The following PER3 variants were observed in gnomAD, a reference collection of about 807,000 sequenced individuals.
PER3 encodes period circadian protein homolog 3.
A neutral mutation model predicts 127.2 loss-of-function variants in PER3; 107 were observed. That is an observed-to-expected ratio of 0.84 (90% CI 0.72 to 0.99). The LOEUF is 0.99. Ranked by LOEUF, PER3 falls within the 50% of genes least tolerant of loss-of-function variation. PER3 has a pLI of 0.00. For synonymous variants in PER3, 618 were observed against 585.8 expected (o/e 1.05, Z -0.79); for missense variants, 1,560 against 1,525.8 (o/e 1.02, Z -0.37).
chr1:7,826,490 T>C lies in PER3; in HGVS notation c.1968T>C (p.Ala656=), dbSNP rs2097302107. The C allele has an allele frequency of 6.2e-7, 1 of 1,604,958 alleles. No homozygotes were observed. Among genetic ancestry groups the C allele is most frequent in the Non-Finnish European group, 8.5e-7 (1 of 1,171,652 alleles). ...HVPPPETARD[A]TLFCEPWTLN... is the part of the protein sequence containing the mutation. Reference sequence around the variant, plus strand: ...CTTCTTCCACCTCAGCCAGGGATGCTACCCTCTTCTGTGAGCCCTGGACCC... The same window carrying C: ...CTTCTTCCACCTCAGCCAGGGATGCCACCCTCTTCTGTGAGCCCTGGACCC... Residue 656 remains alanine (A), a synonymous_variant, in exon 17 of 22, where the codon GCT becomes GCC. Transcript: ENST00000377532. The surrounding 1 kb of genome is among the most constrained non-coding windows in gnomAD (Gnocchi z 4.2).
intron 5 of PER3, among the ~76,000 whole-genome samples, chr1:7,788,845 A>G (rs1046084572): frequency 6.6e-6 from 1 of 151,832 alleles, no homozygotes; most frequent in East Asian, 1.9e-4. Context: ...CAGAGGTTGC[A>G]GTGAGCCAAG....
rs1010047017 is a variant in PER3 at position 7,844,897 on chromosome 1, A to C, written c.*2142A>C. ...ATTGAAAGTGGTAATAAAAATTTAT[A>C]TTATAGGCTTCAATGTTTTCATGAA... is the stretch of plus-strand genomic sequence containing the variant. On this transcript the variant is annotated 3_prime_UTR_variant, in exon 22 of 22. Transcript: ENST00000377532. The C allele has an allele frequency of 2.6e-5, 4 of 152,504 alleles. No individual in the cohort carries two copies. Among genetic ancestry groups the C allele is most frequent in the Non-Finnish European group, 5.9e-5 (4 of 68,028 alleles). 9.4% of individuals were successfully genotyped at this position (152,504 alleles called of 1,614,324 possible). A position where few individuals can be genotyped will look rare whatever the true frequency, so the allele number is the denominator to read the frequency against.
intron 16 of PER3, among the ~76,000 whole-genome samples, chr1:7,822,358 C>T (rs962545346): frequency 1.1e-4 from 16 of 152,006 alleles, no homozygotes; most frequent in Admixed American, 3.3e-4. Context: ...CGGATTCAAG[C>T]GATTCTCCTG....
chr1:7,799,838 G>A (rs1184781875), intron 7 of PER3, among the ~76,000 whole-genome samples: 1 of 150,812 alleles, frequency 6.6e-6, no homozygotes, highest in Non-Finnish European at 1.5e-5. Flanking sequence ...GTGTGGTCAT[G>A]GCTCATTGCA....
At chr1:7,798,447 A>G (rs1378447502) in intron 6 of PER3, 78 bp from the exon 7 acceptor site, 2 of 1,128,316 alleles carry the variant, frequency 1.8e-6, no homozygotes, top group East Asian at 2.4e-5. Context: ...TTACCAATAA[A>G]ATATTTCTCC....
chr1:7,789,195 TA>T (rs201130422), intron 5 of PER3, among the ~76,000 whole-genome samples: 12,706 of 148,996 alleles, frequency 0.085, 600 homozygotes, highest in Middle Eastern at 0.13. Context: ...TCTCTCTAAT[TA>T]AAAAAAAAAT....
chr1:7,798,141 C>T (rs2097154130), intron 6 of PER3, among the ~76,000 whole-genome samples: 1 of 152,162 alleles, frequency 6.6e-6, no homozygotes, highest in Admixed American at 6.5e-5. Context: ...GGCATGATTG[C>T]AGGGGACCCT....
intron 7 of PER3, among the ~76,000 whole-genome samples, chr1:7,799,246 T>C (rs552566507): frequency 2.0e-5 from 3 of 151,880 alleles, no homozygotes; most frequent in Non-Finnish European, 2.9e-5. Flanking sequence ...ATGGGAAAAA[T>C]GGGTTTAGGA....
In PER3 at chr1:7,844,031, T is replaced by G. The variant is rs562095483; in HGVS notation, c.*1276T>G. 3.8e-6 allele frequency: 4 copies of G among 1,059,254 alleles called. No individual in the cohort carries two copies. The South Asian group carries it at 8.4e-5, about 22-fold the overall frequency. The allele number at this position is 1,059,254 out of a possible 1,614,324, so 65.6% of individuals were successfully genotyped here. A position where few individuals can be genotyped will look rare whatever the true frequency, so the allele number is the denominator to read the frequency against. ...TTTATATAACTTGCAACAAACTAAT[T>G]TATTTTTTTTTCCTTTTTTTGTTTT... On this transcript the variant is annotated 3_prime_UTR_variant, in exon 22 of 22. Transcript: ENST00000377532.
At chr1:7,791,061 A>G (rs1012037198) in intron 5 of PER3, among the ~76,000 whole-genome samples, 1 of 152,134 alleles carries the variant, frequency 6.6e-6, no homozygotes, top group African/African-American at 2.4e-5. Context: ...TGGATCTACC[A>G]TTCTTAGGTC....
chr1:7,785,356 T>TA (rs774581337), intron 2 of PER3, 85 bp from the exon 3 acceptor site: 18 of 1,082,776 alleles, frequency 1.7e-5, no homozygotes, highest in South Asian at 1.4e-4. Context: ...CTTAGAAACT[T>TA]ACCTGGCTTG....
chr1:7,844,093 C>T lies in PER3; in HGVS notation c.*1338C>T, dbSNP rs2151368080. 2 of 569,442 alleles carry T rather than the reference C, an allele frequency of 3.5e-6. No individual in the cohort carries two copies. The highest frequency in any genetic ancestry group is 4.7e-6 in the Non-Finnish European group (2 of 421,968). 35.3% of individuals were successfully genotyped at this position (569,442 alleles called of 1,614,324 possible). On this transcript the variant is annotated 3_prime_UTR_variant, in exon 22 of 22. Coordinates refer to ENST00000377532, the MANE Select transcript of PER3 (RefSeq NM_001377275.1). ...GGTTTTTTAAGGAAAATACTTTTCT[C>T]CTTTGAAGTTTTACAGCTTTTTGTA...
chr1:7,826,845 A>G lies in PER3; in HGVS notation c.2188+135A>G, dbSNP rs1335532159. ...TGATGGAGAGATGCTGAAACAATCT[A>G]TTTACATCAACAGTTTATGTAAGTT... On this transcript the variant is annotated intron_variant, in intron 17 of 21. Transcript: ENST00000377532. The surrounding 1 kb of genome is among the most constrained non-coding windows in gnomAD (Gnocchi z 4.2). 4 of 646,500 alleles carry G rather than the reference A, an allele frequency of 6.2e-6. No homozygotes were observed. Among genetic ancestry groups the G allele is most frequent in the African/African-American group, 5.5e-5 (3 of 54,716 alleles). The allele number at this position is 646,500 out of a possible 1,614,324, so 40.0% of individuals were successfully genotyped here.
rs778253815 is a variant in PER3 at position 7,837,074 on chromosome 1, T to C, written c.3474T>C (p.His1158=). The C allele has an allele frequency of 1.2e-6, 2 of 1,613,842 alleles. No individual in the cohort carries two copies. Among genetic ancestry groups the C allele is most frequent in the Non-Finnish European group, 1.7e-6 (2 of 1,179,858 alleles). ...SMRQQQPQFS[H]GQKEELAKVY... is the part of the protein sequence containing the mutation. ...GGCAGCAGCAGCCCCAGTTTTCTCA[T>C]GGGCAAAAGGAGGAGCTGGCTAAGG... Residue 1158 remains histidine (H), a synonymous_variant, in exon 21 of 22, where the codon CAT becomes CAC. Transcript: ENST00000377532.
At chr1:7,804,733 C>T (rs1387425946) in intron 10 of PER3, among the ~76,000 whole-genome samples, 1 of 151,914 alleles carries the variant, frequency 6.6e-6, no homozygotes, top group Non-Finnish European at 1.5e-5. Flanking sequence ...CTTTTCCTGC[C>T]AGCACAGCTG....
intron 8 of PER3, among the ~76,000 whole-genome samples, chr1:7,802,356 T>C (rs925875319): frequency 6.6e-6 from 1 of 152,052 alleles, no homozygotes; most frequent in East Asian, 1.9e-4. Flanking sequence ...TCCACCTCCC[T>C]GGTTCAAGCA....
chr1:7,799,601 ACT>A (rs1491224839), intron 7 of PER3, among the ~76,000 whole-genome samples: 1 of 141,364 alleles, frequency 7.1e-6, no homozygotes, highest in African/African-American at 2.7e-5. Flanking sequence ...CAAGAGTAAA[ACT>A]CTGTCTCAAA....
In PER3 at chr1:7,826,779, G is replaced by A; in HGVS notation, c.2188+69G>A. On this transcript the variant is annotated intron_variant, in intron 17 of 21. Transcript: ENST00000377532. The surrounding 1 kb of genome is among the most constrained non-coding windows in gnomAD (Gnocchi z 4.2). Reference sequence around the variant, plus strand: ...GTTACAAACTGTATCTAAGGACTAGGAGATAAGGAGTGAACAATAGGAGTT... The same window carrying A: ...GTTACAAACTGTATCTAAGGACTAGAAGATAAGGAGTGAACAATAGGAGTT... 1 of 907,696 alleles carries A rather than the reference G, an allele frequency of 1.1e-6. No homozygotes were observed. The highest frequency in any genetic ancestry group is 1.4e-5 in the South Asian group (1 of 70,350). 56.2% of individuals were successfully genotyped at this position (907,696 alleles called of 1,614,324 possible).
At chr1:7,801,490 G>GTA (rs1250162029) in intron 8 of PER3, among the ~76,000 whole-genome samples, 1 of 152,176 alleles carries the variant, frequency 6.6e-6, no homozygotes, top group Non-Finnish European at 1.5e-5. Flanking sequence ...GAGAACAGAT[G>GTA]TATAGTATCT....
Sources: gnomAD v4.1 joint callset for allele counts (sites outside exome capture counted in the v4.1 genomes callset) on GRCh38, gnomAD v4.1.1 for gene constraint, Gnocchi (gnomAD v3.1) non-coding constraint, MANE v1.5 for transcripts, NCBI Gene and HGNC (gene_info 2026-07-23, HGNC 2026-07-21) for gene names.